Variants in DNMT3B observed in about 807,000 individuals in gnomAD.
DNMT3B encodes the protein DNA (cytosine-5)-methyltransferase 3B.
Under a neutral mutation model 120.2 loss-of-function variants are expected in DNMT3B, and 37 were observed. That is an observed-to-expected ratio of 0.31 (90% CI 0.24 to 0.40). The LOEUF (loss-of-function observed/expected upper bound fraction) is 0.40. Among genes scored for constraint, DNMT3B ranks in the 10% least tolerant of loss-of-function variants. DNMT3B has a pLI of 1.00. For synonymous variants in DNMT3B, 412 were observed against 442.8 expected (o/e 0.93, Z 0.87); for missense variants, 878 against 1,137.3 (o/e 0.77, Z 3.28).
At position 32,805,312 on chromosome 20, in the gene DNMT3B, AAGT is replaced by A. The variant is rs1256537654; in HGVS notation, c.2232-24_2232-22del. The A allele has an allele frequency of 2.5e-6, 4 of 1,613,962 alleles. No homozygotes were observed. The South Asian group carries it at 4.4e-5, about 18-fold the overall frequency. On this transcript the variant is annotated intron_variant, in intron 20 of 22. Coordinates refer to ENST00000328111, the MANE Select transcript of DNMT3B (RefSeq NM_006892.4). ...CAGAGGACCCTCTATAGCTAGTAAG[AAGT>A]AATGGGTTTTGGCTGTTCCCAGGCC... is the stretch of plus-strand genomic sequence containing the variant.
chr20:32,792,716 G>A lies in DNMT3B; in HGVS notation c.1012G>A (p.Gly338Arg), dbSNP rs1013448701. Residue 338 changes from glycine to arginine, a missense_variant, in exon 9 of 23, where the codon GGG becomes AGG. Around this residue, in one of 4 missense-constraint regions of DNMT3B, gnomAD observed 207 missense variants for 222.6 expected, o/e 0.93. Transcript: ENST00000328111. ...GAAGCCCATGTTGGAGTGGGCCCAC[G>A]GGGGCTTCAAGCCCACTGGGATCGA... ...QLKPMLEWAH[G>R]GFKPTGIEGL... is the part of the protein sequence containing the mutation. 10 of 1,614,090 alleles carry A rather than the reference G, an allele frequency of 6.2e-6. No individual in the cohort carries two copies. Among genetic ancestry groups the A allele is most frequent in the Non-Finnish European group, 7.6e-6 (9 of 1,180,038 alleles).
chr20:32,792,448 C>T (rs533255250), intron 8 of DNMT3B, among the ~76,000 whole-genome samples, 178 bp from the exon 9 acceptor site: 1 of 152,298 alleles, frequency 6.6e-6, no homozygotes, highest in East Asian at 1.9e-4. Context: ...CTTCCGAGGC[C>T]TCTCCCTGCA....
Position 32,805,327 on chromosome 20 carries a change from G to C in DNMT3B, c.2232-11G>C, listed in dbSNP as rs1314569525. 4 of 1,614,012 alleles carry C rather than the reference G, an allele frequency of 2.5e-6. No individual in the cohort carries two copies. The highest frequency in any genetic ancestry group is 2.5e-6 in the Non-Finnish European group (3 of 1,180,012). ...AGCTAGTAAGAAGTAATGGGTTTTG[G>C]CTGTTCCCAGGCCCGTGATAGCATC... On this transcript the variant is annotated splice_polypyrimidine_tract_variant and intron_variant, in intron 20 of 22. Transcript: ENST00000328111.
At chr20:32,774,941 C>T (rs1194126992) in intron 1 of DNMT3B, among the ~76,000 whole-genome samples, 4 of 151,838 alleles carry the variant, frequency 2.6e-5, no homozygotes, top group African/African-American at 9.7e-5. Flanking sequence ...AGGCTGGTCT[C>T]GAACTCCTGG....
chr20:32,800,104 CTG>C (rs1981140701), intron 16 of DNMT3B, 47 bp from the exon 17 acceptor site: 3 of 1,612,540 alleles, frequency 1.9e-6, no homozygotes, highest in Non-Finnish European at 1.7e-6. Flanking sequence ...AAATGAGCTG[CTG>C]TGTGCTCAGC....
In DNMT3B at chr20:32,801,417, G is replaced by T; in HGVS notation, c.2136G>T (p.Arg712=). 1 of 1,614,076 alleles carries T rather than the reference G, an allele frequency of 6.2e-7. No homozygotes were observed. The highest frequency in any genetic ancestry group is 8.5e-7 in the Non-Finnish European group (1 of 1,180,046). ...MKVGDKRDIS[R]FLECNPVMID... ...TTGGCGACAAGAGGGACATCTCACG[G>T]TTCCTGGAGGTGAGGGAATCTGGGG... The change falls in exon 19 of 23, where the codon CGG becomes CGT. Residue 712 remains arginine (R), a synonymous_variant. Coordinates refer to ENST00000328111, the MANE Select transcript of DNMT3B (RefSeq NM_006892.4).
At chr20:32,781,441 G>A in intron 3 of DNMT3B, 27 bp downstream of exon 3, 1 of 1,613,802 alleles carries the variant, frequency 6.2e-7, no homozygotes. Context: ...CCCTTTTTCA[G>A]GGCTCAGGGA....
rs147647555 is a variant in DNMT3B, at chr20:32,769,418, C to T, written c.-7+6719C>T. ...TGCAAATTTCTTTCCAAAACCTCTG[C>T]CAGCACATGGCTGAACCCACAGAAC... On this transcript the variant is annotated intron_variant, in intron 1 of 22. Coordinates refer to ENST00000328111, the MANE Select transcript of DNMT3B (RefSeq NM_006892.4). 5.3e-3 allele frequency among the ~76,000 whole-genome samples: 804 copies of T among 152,272 alleles called. 12 individuals carry two copies. The highest frequency in any genetic ancestry group is 0.019 in the African/African-American group (780 of 41,560).
At chr20:32,766,774 G>A (rs1987393952) in intron 1 of DNMT3B, among the ~76,000 whole-genome samples, 1 of 151,928 alleles carries the variant, frequency 6.6e-6, no homozygotes, top group African/African-American at 2.4e-5. Flanking sequence ...TGTAAAGATG[G>A]GGTTTCACCT....
rs1399735356 is a variant in DNMT3B, at chr20:32,780,575, C to T, written c.142+110C>T. ...TCTCTGACAACCTCCACCACAATTC[C>T]CCGGGAGGGAAGAGAGCTCTAGCAA... is the stretch of plus-strand genomic sequence containing the variant. On this transcript the variant is annotated intron_variant, in intron 2 of 22. Coordinates refer to ENST00000328111, the MANE Select transcript of DNMT3B (RefSeq NM_006892.4). 2.7e-6 allele frequency: 4 copies of T among 1,498,094 alleles called. No homozygotes were observed. The South Asian group carries it at 5.0e-5, about 19-fold the overall frequency. The allele number at this position is 1,498,094 out of a possible 1,614,324, so 92.8% of individuals were successfully genotyped here.
chr20:32,790,611 T>C (rs1249036124), intron 7 of DNMT3B, among the ~76,000 whole-genome samples: 3 of 152,106 alleles, frequency 2.0e-5, no homozygotes, highest in African/African-American at 7.2e-5. Flanking sequence ...CGTGATAAAA[T>C]GGAGGTTTGC....
chr20:32,799,274 G>T lies in DNMT3B; in HGVS notation c.1705G>T (p.Ala569Ser), dbSNP rs1007955291. Residue 569 changes from alanine (A) to serine (S), a missense_variant, in exon 16 of 23, where the codon GCA (alanine) becomes TCA (serine). By Grantham distance (99) the Ala-to-Ser change is moderately conservative. This residue lies in a region of DNMT3B where 334 missense variants were observed against 518.8 expected (regional missense o/e 0.64). Transcript: ENST00000328111. ...EAPKLYPAIP[A>S]ARRRPIRVLS... ...CCCCAAGCTGTACCCTGCCATTCCC[G>T]CAGCCCGAAGGCGGCCCATTCGAGT... 1 of 1,613,306 alleles carries T rather than the reference G, an allele frequency of 6.2e-7. No individual in the cohort carries two copies. The highest frequency in any genetic ancestry group is 2.2e-5 in the East Asian group (1 of 44,866).
chr20:32,783,284 G>T (rs1463628671), intron 3 of DNMT3B, among the ~76,000 whole-genome samples: 18 of 152,194 alleles, frequency 1.2e-4, no homozygotes, highest in Admixed American at 1.1e-3. Flanking sequence ...TGGGCTCAAG[G>T]AATTTTTTTT....
chr20:32,773,334 A>AC (rs1340451452), intron 1 of DNMT3B, among the ~76,000 whole-genome samples: 1 of 152,132 alleles, frequency 6.6e-6, no homozygotes, highest in Non-Finnish European at 1.5e-5. Context: ...CCCAGCTTCT[A>AC]CTGTAGGATG....
intron 1 of DNMT3B, among the ~76,000 whole-genome samples, chr20:32,766,971 A>C (rs1199756271): frequency 6.6e-6 from 1 of 151,860 alleles, no homozygotes; most frequent in Non-Finnish European, 1.5e-5. Flanking sequence ...GCTCACTGCA[A>C]CCTTTGCTTC....
At chr20:32,792,916 C>A in intron 9 of DNMT3B, 146 bp downstream of exon 9, 2 of 1,256,468 alleles carry the variant, frequency 1.6e-6, no homozygotes, top group South Asian at 1.3e-5. Flanking sequence ...TAGGAGCAGG[C>A]ATACGAAGGC....
intron 1 of DNMT3B, among the ~76,000 whole-genome samples, chr20:32,775,441 T>TG (rs371802215): frequency 4.1e-4 from 62 of 152,326 alleles, no homozygotes; most frequent in African/African-American, 1.3e-3. Flanking sequence ...TCCCTGAGCC[T>TG]CCTCTGAGTC....
At chr20:32,799,460 A>C (rs1042676128) in intron 16 of DNMT3B, 132 bp downstream of exon 16, 3 of 989,420 alleles carry the variant, frequency 3.0e-6, no homozygotes, top group Non-Finnish European at 4.6e-6. Context: ...CCTGAAAAAA[A>C]CCCTGTCTCC....
intron 1 of DNMT3B, among the ~76,000 whole-genome samples, chr20:32,768,666 A>G (rs1987534349): frequency 6.6e-6 from 1 of 152,088 alleles, no homozygotes; most frequent in Admixed American, 6.5e-5. Flanking sequence ...GCCTAGTAGA[A>G]CTCATCTGAA....
Sources: allele counts gnomAD v4.1 joint callset (sites outside exome capture counted in the v4.1 genomes callset), GRCh38; gene constraint gnomAD v4.1.1; regional missense constraint gnomAD v4.1.1; transcripts MANE v1.5; gene names NCBI Gene and HGNC (gene_info 2026-07-23, HGNC 2026-07-21).